Variants in MAP2K2 observed in about 807,000 individuals in gnomAD.
The protein encoded by MAP2K2 is dual specificity mitogen-activated protein kinase kinase 2.
Under a neutral mutation model 43.7 loss-of-function variants are expected in MAP2K2, and 24 were observed. That is an observed-to-expected ratio of 0.55 (90% CI 0.40 to 0.77). MAP2K2 has a LOEUF of 0.77. Ranked by LOEUF, MAP2K2 falls within the 30% of genes least tolerant of loss-of-function variation. MAP2K2 has a pLI of 0.00. For synonymous variants in MAP2K2, 244 were observed against 239.7 expected, an observed-to-expected ratio of 1.02 and a Z score of -0.17; for missense variants, 470 against 566.8, an observed-to-expected ratio of 0.83 and a Z score of 1.73.
chr19:4,101,695 T>C lies in MAP2K2; in HGVS notation c.529-415A>G, dbSNP rs1187986065. Among the ~76,000 whole-genome samples the C allele has an allele frequency of 6.6e-6, 1 of 152,068 alleles. No individual in the cohort carries two copies. Among genetic ancestry groups the C allele is most frequent in the Admixed American group, 6.5e-5 (1 of 15,276 alleles). ...CCAGATGGGACGGGCTAAGGGTGCC[T>C]GGGAAGGACGATGTTTCCCCCAGGC... is the stretch of plus-strand genomic sequence containing the variant. On this transcript the variant is annotated intron_variant, in intron 4 of 10. Coordinates refer to ENST00000262948, the MANE Select transcript of MAP2K2 (RefSeq NM_030662.4). The surrounding 1 kb of genome is among the most constrained non-coding windows in gnomAD (Gnocchi z 6.3).
chr19:4,100,956 G>A (rs1223384702), intron 6 of MAP2K2, 63 bp downstream of exon 6: 3 of 1,541,978 alleles, frequency 1.9e-6, no homozygotes, highest in Non-Finnish European at 2.6e-6. Flanking sequence ...AGAGCTGGGT[G>A]GGGAGAGCTT....
intron 7 of MAP2K2, among the ~76,000 whole-genome samples, chr19:4,098,412 T>C (rs1419055226): frequency 6.6e-6 from 1 of 152,134 alleles, no homozygotes; most frequent in Non-Finnish European, 1.5e-5. Flanking sequence ...GTGGGGTGTG[T>C]GCTTTGTAGT....
intron 1 of MAP2K2, among the ~76,000 whole-genome samples, chr19:4,120,248 C>T (rs1172361673): frequency 2.6e-5 from 4 of 152,196 alleles, no homozygotes; most frequent in Non-Finnish European, 5.9e-5. Flanking sequence ...AATGGCGAGA[C>T]CCTGGGAGTG....
At chr19:4,114,029 A>C (rs1409018904) in intron 2 of MAP2K2, among the ~76,000 whole-genome samples, 1 of 152,232 alleles carries the variant, frequency 6.6e-6, no homozygotes, top group East Asian at 1.9e-4. Context: ...GCAGTGGCTC[A>C]CATCTGTAAT....
intron 2 of MAP2K2, among the ~76,000 whole-genome samples, chr19:4,114,281 C>T (rs537522023): frequency 1.2e-4 from 19 of 152,322 alleles, no homozygotes; most frequent in Admixed American, 2.6e-4. Flanking sequence ...CACACAGCCT[C>T]GGTTTCTTCA....
chr19:4,100,940 G>C, intron 6 of MAP2K2, 79 bp downstream of exon 6: 1 of 1,511,712 alleles, frequency 6.6e-7, no homozygotes, highest in Admixed American at 2.0e-5. Flanking sequence ...GGGAGAGCTG[G>C]CTGGCAGAGC....
At chr19:4,117,070 AAC>A (rs947841286) in intron 2 of MAP2K2, among the ~76,000 whole-genome samples, 4 of 152,356 alleles carry the variant, frequency 2.6e-5, no homozygotes, top group East Asian at 1.9e-4. Flanking sequence ...CATAGGCGCA[AAC>A]ACACACACGC....
chr19:4,102,565 G>T, intron 3 of MAP2K2, 112 bp from the exon 4 acceptor site: 2 of 979,908 alleles, frequency 2.0e-6, no homozygotes, highest in Non-Finnish European at 3.1e-6. Flanking sequence ...GGGAAGCAGG[G>T]GCCGGAGCCC....
chr19:4,106,672 C>T (rs2041089046), intron 3 of MAP2K2, among the ~76,000 whole-genome samples: 1 of 152,276 alleles, frequency 6.6e-6, no homozygotes, highest in African/African-American at 2.4e-5. Context: ...TCCCAAAGTG[C>T]TAGGATTACA....
Position 4,117,602 on chromosome 19 carries a change from C to T in MAP2K2, c.120G>A (p.Lys40=), listed in dbSNP as rs2145080800. 1 of 1,614,126 alleles carries T rather than the reference C, an allele frequency of 6.2e-7. No homozygotes were observed. The highest frequency in any genetic ancestry group is 8.5e-7 in the Non-Finnish European group (1 of 1,180,046). ...GCTCGTCAAGTTCCAGCTCCTCCAG[C>T]TTCTTCTGCAGGTCCACCAGGTTTG... ...SEANLVDLQK[K]LEELELDEQQ... Residue 40 remains lysine (K), a synonymous_variant, in exon 2 of 11, where the codon AAG becomes AAA. Coordinates refer to ENST00000262948, the MANE Select transcript of MAP2K2 (RefSeq NM_030662.4).
intron 3 of MAP2K2, among the ~76,000 whole-genome samples, chr19:4,106,888 G>C (rs951637969): frequency 6.6e-6 from 1 of 152,132 alleles, no homozygotes; most frequent in East Asian, 1.9e-4. Flanking sequence ...AGAACAAGAC[G>C]GGCATTCTTC....
intron 1 of MAP2K2, 51 bp downstream of exon 1, chr19:4,123,733 G>C: frequency 7.2e-7 from 1 of 1,381,974 alleles, no homozygotes; most frequent in Non-Finnish European, 9.7e-7. Context: ...CTTCCCCGAG[G>C]GCTCCCTGCC....
At chr19:4,093,344 C>G (rs1247022922) in intron 10 of MAP2K2, among the ~76,000 whole-genome samples, 1 of 152,130 alleles carries the variant, frequency 6.6e-6, no homozygotes, top group African/African-American at 2.4e-5. Context: ...CTACAGTGAG[C>G]TACAATCGCA....
chr19:4,103,267 T>C (rs911569435), intron 3 of MAP2K2: 3 of 984,780 alleles, frequency 3.0e-6, no homozygotes, highest in Admixed American at 1.2e-4. Flanking sequence ...CCCACATCCA[T>C]GTCATAAATG....
At chr19:4,102,343 T>TG (rs1465290236) in intron 4 of MAP2K2, 33 bp downstream of exon 4, 1 of 1,547,224 alleles carries the variant, frequency 6.5e-7, no homozygotes. Context: ...CAGAGTGCGG[T>TG]GGGGGCGCGA....
Position 4,123,935 on chromosome 19 carries a change from G to A in MAP2K2, c.-60C>T, listed in dbSNP as rs534703853. ...AGCCGGGGCCCATAGGGGGCGGGCCGGGAGCGGTCGGCGCCTACGCGAGCC... is the reference window on the plus strand; with the variant it reads ...AGCCGGGGCCCATAGGGGGCGGGCCAGGAGCGGTCGGCGCCTACGCGAGCC... On this transcript the variant is annotated 5_prime_UTR_variant, in exon 1 of 11. Coordinates refer to ENST00000262948, the MANE Select transcript of MAP2K2 (RefSeq NM_030662.4). 142 of 1,000,434 alleles carry A rather than the reference G, an allele frequency of 1.4e-4. No individual in the cohort carries two copies. The South Asian group carries it at 5.1e-3, about 36-fold the overall frequency. The allele number at this position is 1,000,434 out of a possible 1,614,324, so 62.0% of individuals were successfully genotyped here. A position where few individuals can be genotyped will look rare whatever the true frequency, so the allele number is the denominator to read the frequency against.
At chr19:4,121,697 C>T (rs2041296752) in intron 1 of MAP2K2, among the ~76,000 whole-genome samples, 1 of 125,432 alleles carries the variant, frequency 8.0e-6, no homozygotes. Context: ...CCCACTAGAC[C>T]TCCCCCAGCA....
At chr19:4,118,487 G>A (rs1056513854) in intron 1 of MAP2K2, among the ~76,000 whole-genome samples, 6 of 152,182 alleles carry the variant, frequency 3.9e-5, no homozygotes, top group African/African-American at 2.4e-5. Flanking sequence ...GCTGAGACAC[G>A]AGAACTGCTT....
chr19:4,099,706 GC>G, intron 6 of MAP2K2: 2 of 471,618 alleles, frequency 4.2e-6, no homozygotes, highest in Non-Finnish European at 7.6e-6. Flanking sequence ...GGAAGCAGGG[GC>G]CTCCTCCTCC....
Sources: allele counts gnomAD v4.1 joint callset (sites outside exome capture counted in the v4.1 genomes callset), GRCh38; gene constraint gnomAD v4.1.1; non-coding constraint Gnocchi (gnomAD v3.1); transcripts MANE v1.5; gene names NCBI Gene and HGNC (gene_info 2026-07-23, HGNC 2026-07-21).